Variants in BRSK2 observed in about 807,000 individuals in gnomAD.
BRSK2 encodes serine/threonine-protein kinase BRSK2.
In BRSK2, 19 loss-of-function variants were observed where a neutral mutation model predicts 83.3. That is an observed-to-expected ratio of 0.23 (90% CI 0.16 to 0.33). The LOEUF is 0.33. BRSK2 is among the 10% of genes least tolerant of loss of function. The pLI is 1.00. For synonymous variants in BRSK2, 519 were observed against 435.4 expected (o/e 1.19, Z -2.39); for missense variants, 798 against 1,042.3 (o/e 0.77, Z 3.23).
chr11:1,392,678 C>T (rs908506539), intron 1 of BRSK2, among the ~76,000 whole-genome samples: 1 of 152,070 alleles, frequency 6.6e-6, no homozygotes, highest in Admixed American at 6.5e-5. Flanking sequence ...GAGGGGAGAC[C>T]ACGCAGCACC....
chr11:1,449,956 A>G (rs1342970639), intron 13 of BRSK2, 120 bp downstream of exon 13: 11 of 661,588 alleles, frequency 1.7e-5, no homozygotes, highest in Non-Finnish European at 2.1e-5. Context: ...GGCGCCCCCC[A>G]TGCCCACGCT....
At chr11:1,415,864 C>T (rs538609799) in intron 1 of BRSK2, among the ~76,000 whole-genome samples, 1 of 152,404 alleles carries the variant, frequency 6.6e-6, no homozygotes, top group East Asian at 1.9e-4. Context: ...CGGCCACTGT[C>T]CCCTGGGAGG....
At chr11:1,452,303 C>G (rs1388486640) in intron 15 of BRSK2, among the ~76,000 whole-genome samples, 2 of 152,236 alleles carry the variant, frequency 1.3e-5, no homozygotes, top group Non-Finnish European at 2.9e-5. Flanking sequence ...CTGCGCCGAT[C>G]AGGTGGCCCT....
At chr11:1,436,841 A>G (rs2133018444) in intron 2 of BRSK2, among the ~76,000 whole-genome samples, 1 of 152,222 alleles carries the variant, frequency 6.6e-6, no homozygotes. Flanking sequence ...CGGGTGGGGC[A>G]GGACCCGGGG....
intron 1 of BRSK2, chr11:1,409,264 T>C (rs1294376687): frequency 6.6e-6 from 1 of 152,238 alleles, no homozygotes; most frequent in East Asian, 1.9e-4. Context: ...GCAGCTGGCA[T>C]CCTCATGCTC....
rs984331790 is a variant in BRSK2, at chr11:1,454,816, G to A, written c.1668+208G>A. ...AGGGAGGGGTCACTGCCCATCTGGG[G>A]TGCTTGGCCTGCGGAGGGAGTCAGG... On this transcript the variant is annotated intron_variant, in intron 16 of 19. Transcript: ENST00000528841. The surrounding 1 kb of genome is among the most constrained non-coding windows in gnomAD (Gnocchi z 5.2). 2.0e-5 allele frequency among the ~76,000 whole-genome samples: 3 copies of A among 152,214 alleles called. No individual in the cohort carries two copies. Among genetic ancestry groups the A allele is most frequent in the African/African-American group, 7.2e-5 (3 of 41,456 alleles).
chr11:1,460,921 T>A lies in BRSK2; in HGVS notation c.*198T>A. 2 of 1,610,848 alleles carry A rather than the reference T, an allele frequency of 1.2e-6. No individual in the cohort carries two copies. Among genetic ancestry groups the A allele is most frequent in the Non-Finnish European group, 1.7e-6 (2 of 1,178,718 alleles). ...GCCCGCTCTCTTTTCTCTCTGTCTCTGCCTCTGCCTGTCTCTGACAGCATC... is the reference window on the plus strand; with the variant it reads ...GCCCGCTCTCTTTTCTCTCTGTCTCAGCCTCTGCCTGTCTCTGACAGCATC... On this transcript the variant is annotated 3_prime_UTR_variant, in exon 20 of 20. Coordinates refer to ENST00000528841, the MANE Select transcript of BRSK2 (RefSeq NM_001256627.2).
At chr11:1,455,322 C>T (rs924045516) in intron 16 of BRSK2, among the ~76,000 whole-genome samples, 18 of 149,140 alleles carry the variant, frequency 1.2e-4, no homozygotes, top group African/African-American at 4.2e-4. Flanking sequence ...CCCGCCTCCC[C>T]CACCGCCCCC....
At chr11:1,394,406 GC>G (rs1271544190) in intron 1 of BRSK2, among the ~76,000 whole-genome samples, 6 of 71,184 alleles carry the variant, frequency 8.4e-5, no homozygotes, top group South Asian at 7.2e-4. Context: ...CTGGAGATGG[GC>G]CCCTGGAGAT....
rs117666978 is a variant in BRSK2 at position 1,426,438 on chromosome 11, G to A, written c.92-9602G>A. 5.1e-3 allele frequency among the ~76,000 whole-genome samples: 771 copies of A among 152,254 alleles called. 3 individuals are homozygous for A. Among genetic ancestry groups the A allele is most frequent in the Admixed American group, 0.013 (201 of 15,298 alleles). On this transcript the variant is annotated intron_variant, in intron 1 of 19. Transcript: ENST00000528841. ...TGTCACTTTAATCCTTTCAGACTCCGCAGGAGACAGAGCACGCCGGGGAGG... is the reference window on the plus strand; with the variant it reads ...TGTCACTTTAATCCTTTCAGACTCCACAGGAGACAGAGCACGCCGGGGAGG...
Position 1,460,557 on chromosome 11 carries a change from AC to A in BRSK2, c.2046del (p.Asn682LysfsTer175). 6.5e-7 allele frequency: 1 copy of A among 1,529,548 alleles called. No individual in the cohort carries two copies. The highest frequency in any genetic ancestry group is 8.7e-7 in the Non-Finnish European group (1 of 1,144,426). The allele number at this position is 1,529,548 out of a possible 1,614,324, so 94.7% of individuals were successfully genotyped here. ...VIKQLFSDEK[N>X]GQAAQAPSTP... ...AAACAACTTTTTTCAGACGAGAAGA[AC>A]GGGCAGGCGGCCCAGGCCCCCAGCA... On this transcript the variant is annotated frameshift_variant, in exon 20 of 20. Coordinates refer to ENST00000528841, the MANE Select transcript of BRSK2 (RefSeq NM_001256627.2). LOFTEE classifies it high-confidence loss of function.
intron 1 of BRSK2, among the ~76,000 whole-genome samples, chr11:1,407,017 C>T (rs1474339543): frequency 1.3e-5 from 2 of 152,168 alleles, no homozygotes; most frequent in African/African-American, 2.4e-5. Flanking sequence ...TCTGCCTGCA[C>T]CTAGGATGAC....
Position 1,445,688 on chromosome 11 carries a change from C to T in BRSK2, c.1075+20C>T, listed in dbSNP as rs756482507. The stretch of plus-strand genomic sequence containing the variant: ...AGATAGGTATGGGTCCAGGGGTGGC[C>T]TCCAGCCCGGCCTGCACTGCCCCAC... On this transcript the variant is annotated intron_variant, in intron 11 of 19. Transcript: ENST00000528841. The T allele has an allele frequency of 2.5e-6, 4 of 1,610,740 alleles. No homozygotes were observed. Among genetic ancestry groups the T allele is most frequent in the Admixed American group, 3.3e-5 (2 of 59,812 alleles).
chr11:1,436,036 G>T lies in BRSK2; in HGVS notation c.92-4G>T, dbSNP rs750575505. On this transcript the variant is annotated splice_polypyrimidine_tract_variant and splice_region_variant and intron_variant, in intron 1 of 19. Transcript: ENST00000528841. The stretch of plus-strand genomic sequence containing the variant: ...GTCTGAGCGCGGCTGCTTCTCTCCC[G>T]CAGGTCTGGTGAAGCTGGGGGTTCA... The T allele has an allele frequency of 6.9e-6, 11 of 1,601,588 alleles. No homozygotes were observed. The East Asian group carries it at 9.1e-5, about 13-fold the overall frequency.
At chr11:1,422,072 A>G (rs1328276182) in intron 1 of BRSK2, among the ~76,000 whole-genome samples, 1 of 152,046 alleles carries the variant, frequency 6.6e-6, no homozygotes, top group East Asian at 1.9e-4. Flanking sequence ...GGGCTGCATC[A>G]TCGGGTGTAT....
chr11:1,435,581 G>T (rs1344828716), intron 1 of BRSK2, among the ~76,000 whole-genome samples: 1 of 135,676 alleles, frequency 7.4e-6, no homozygotes, highest in African/African-American at 2.8e-5. Context: ...GGGGGTCTCG[G>T]CGGAGGAGGG....
chr11:1,400,374 C>G (rs980855899), intron 1 of BRSK2, among the ~76,000 whole-genome samples: 2 of 152,202 alleles, frequency 1.3e-5, no homozygotes, highest in African/African-American at 4.8e-5. Flanking sequence ...TTGGGGGACC[C>G]CACTTGGAGA....
At chr11:1,433,691 T>C (rs1849891767) in intron 1 of BRSK2, among the ~76,000 whole-genome samples, 1 of 152,214 alleles carries the variant, frequency 6.6e-6, no homozygotes, top group Non-Finnish European at 1.5e-5. Flanking sequence ...CGCCCTGGAT[T>C]ATGGATGAAG....
At chr11:1,444,950 C>T (rs1851818373) in intron 8 of BRSK2, 21 bp from the exon 9 acceptor site, 3 of 1,611,210 alleles carry the variant, frequency 1.9e-6, no homozygotes, top group South Asian at 1.1e-5. Flanking sequence ...GTACTAACTC[C>T]CTGTTTCTCT....
Sources: gnomAD v4.1 joint callset for allele counts (sites outside exome capture counted in the v4.1 genomes callset) on GRCh38, gnomAD v4.1.1 for gene constraint, Gnocchi (gnomAD v3.1) non-coding constraint, MANE v1.5 for transcripts, NCBI Gene and HGNC (gene_info 2026-07-23, HGNC 2026-07-21) for gene names.